Variants in LINGO1 observed in about 807,000 individuals in gnomAD.
LINGO1 encodes the protein leucine rich repeat and Ig domain containing 1.
A neutral mutation model predicts 37.3 loss-of-function variants in LINGO1; 11 were observed. The ratio of observed to expected loss-of-function variants is 0.29; its 90% CI spans 0.19 to 0.49. The LOEUF is 0.49. Among genes scored for constraint, LINGO1 ranks in the 20% least tolerant of loss-of-function variants. The probability of loss-of-function intolerance (pLI) is 0.99; values close to 1 mark genes in which losing one functional copy is unlikely to be tolerated. For synonymous variants in LINGO1, 387 were observed against 403.0 expected (o/e 0.96, Z 0.48); for missense variants, 585 against 878.2 (o/e 0.67, Z 4.22).
intron 3 of LINGO1, among the ~76,000 whole-genome samples, chr15:77,644,147 A>G (rs2074571021): frequency 6.6e-6 from 1 of 152,214 alleles, no homozygotes; most frequent in Non-Finnish European, 1.5e-5. Context: ...AAGGATACGT[A>G]GCTGTGTTGT....
chr15:77,711,900 G>A (rs74025396), intron 2 of LINGO1, among the ~76,000 whole-genome samples: 4 of 151,970 alleles, frequency 2.6e-5, no homozygotes, highest in African/African-American at 7.3e-5. Flanking sequence ...GGCACACAGC[G>A]ACATTCTGCA....
At chr15:77,703,365 G>C (rs2075808894) in intron 2 of LINGO1, among the ~76,000 whole-genome samples, 1 of 152,156 alleles carries the variant, frequency 6.6e-6, no homozygotes. Context: ...GTGTCCTCGT[G>C]GGTTTTCAGT....
chr15:77,641,514 G>A, intron 3 of LINGO1, among the ~76,000 whole-genome samples: 1 of 152,206 alleles, frequency 6.6e-6, no homozygotes, highest in Non-Finnish European at 1.5e-5. Flanking sequence ...AAGTTATAAA[G>A]AAGAAAGCAG....
chr15:77,803,936 C>T (rs2141467441), intron 1 of LINGO1, among the ~76,000 whole-genome samples: 1 of 152,260 alleles, frequency 6.6e-6, no homozygotes, highest in Middle Eastern at 3.4e-3. Context: ...CAGTTCTCAG[C>T]CCCTAAGCCA....
chr15:77,809,372 C>A (rs1012437263), intron 1 of LINGO1, among the ~76,000 whole-genome samples: 4 of 152,226 alleles, frequency 2.6e-5, no homozygotes, highest in African/African-American at 9.6e-5. Context: ...ATCTCACCCC[C>A]ACCCCTAACC....
At chr15:77,744,041 T>G (rs1003305566) in intron 1 of LINGO1, among the ~76,000 whole-genome samples, 1 of 152,198 alleles carries the variant, frequency 6.6e-6, no homozygotes, top group African/African-American at 2.4e-5. Flanking sequence ...GGTCCTGCTC[T>G]TAAAGAGCCT....
At chr15:77,737,725 C>T (rs1049988631) in intron 1 of LINGO1, among the ~76,000 whole-genome samples, 2 of 151,680 alleles carry the variant, frequency 1.3e-5, no homozygotes, top group Admixed American at 6.6e-5. Context: ...CAGCATCTGA[C>T]ATGGCTGATT....
intron 1 of LINGO1, among the ~76,000 whole-genome samples, chr15:77,813,365 G>A (rs1406119729): frequency 1.3e-5 from 2 of 152,356 alleles, no homozygotes; most frequent in African/African-American, 4.8e-5. Context: ...ATTGGCTGGA[G>A]CCTGGGGACA....
intron 1 of LINGO1, among the ~76,000 whole-genome samples, chr15:77,617,517 G>C (rs1406204803): frequency 3.3e-5 from 5 of 152,180 alleles, no homozygotes; most frequent in Non-Finnish European, 5.9e-5. Flanking sequence ...GGCCCGGAAG[G>C]GGCTCAGTGC....
At chr15:77,769,601 A>T (rs1297045351) in intron 1 of LINGO1, among the ~76,000 whole-genome samples, 1 of 152,128 alleles carries the variant, frequency 6.6e-6, no homozygotes, top group Non-Finnish European at 1.5e-5. Context: ...GGAGGCAAGG[A>T]TGGAGGCAGG....
At chr15:77,727,264 G>T (rs1415749800) in intron 2 of LINGO1, among the ~76,000 whole-genome samples, 2 of 152,116 alleles carry the variant, frequency 1.3e-5, no homozygotes, top group South Asian at 4.1e-4. Context: ...TTGAAAACAG[G>T]ATCTCAAAAG....
chr15:77,787,499 C>A (rs904641403), upstream of LINGO1, among the ~76,000 whole-genome samples: 1 of 150,366 alleles, frequency 6.7e-6, no homozygotes, highest in African/African-American at 2.5e-5. Context: ...CAGAAGGACA[C>A]AGGGGTCCCG....
upstream of LINGO1, among the ~76,000 whole-genome samples, chr15:77,638,151 G>A (rs938122217): frequency 1.3e-5 from 2 of 152,214 alleles, no homozygotes; most frequent in African/African-American, 4.8e-5. Flanking sequence ...AATGAGGTCT[G>A]GGCCTGGCCC....
chr15:77,813,032 C>T (rs921343227), intron 1 of LINGO1, among the ~76,000 whole-genome samples: 10 of 152,198 alleles, frequency 6.6e-5, no homozygotes, highest in East Asian at 1.9e-4. Flanking sequence ...CCCCCAGGCA[C>T]GCCCAAGGAA....
chr15:77,619,672 G>C (rs985548983), intron 1 of LINGO1, among the ~76,000 whole-genome samples: 3 of 150,810 alleles, frequency 2.0e-5, no homozygotes, highest in African/African-American at 7.4e-5. Context: ...GGGCAACAGA[G>C]CAAGACTCTC....
chr15:77,663,908 A>C (rs1216241770), intron 3 of LINGO1, among the ~76,000 whole-genome samples: 1 of 152,154 alleles, frequency 6.6e-6, no homozygotes, highest in Non-Finnish European at 1.5e-5. Flanking sequence ...TCACCTGGAC[A>C]GGGAGGCCCA....
chr15:77,667,342 C>T (rs1445448204), intron 3 of LINGO1, among the ~76,000 whole-genome samples: 3 of 152,098 alleles, frequency 2.0e-5, no homozygotes, highest in African/African-American at 4.8e-5. Context: ...TGTGGGTGCT[C>T]GGGCTGAGGT....
chr15:77,691,745 C>A (rs1186322025), intron 1 of LINGO1, among the ~76,000 whole-genome samples: 1 of 152,000 alleles, frequency 6.6e-6, no homozygotes, highest in Non-Finnish European at 1.5e-5. Flanking sequence ...CAATTCACGG[C>A]ACCCCTGCCA....
chr15:77,694,343 A>C (rs2075654534), intron 1 of LINGO1, among the ~76,000 whole-genome samples: 1 of 152,092 alleles, frequency 6.6e-6, no homozygotes, highest in Non-Finnish European at 1.5e-5. Flanking sequence ...ACAGATGAGG[A>C]AACAGGCCCA....
Sources: gnomAD v4.1 joint callset for allele counts (sites outside exome capture counted in the v4.1 genomes callset) on GRCh38, gnomAD v4.1.1 for gene constraint, MANE v1.5 for transcripts, NCBI Gene and HGNC (gene_info 2026-07-23, HGNC 2026-07-21) for gene names.